Variants in ME3 observed in about 807,000 individuals in gnomAD.
ME3 encodes NADP-dependent malic enzyme, mitochondrial.
ME3 carries 48 observed loss-of-function variants against 68.9 expected under a neutral mutation model. The observed-to-expected ratio is 0.70, with a 90% CI of 0.55 to 0.89. The LOEUF is 0.89. Among genes scored for constraint, ME3 ranks in the 40% least tolerant of loss-of-function variants. The pLI is 0.00. For missense variants in ME3, 675 were observed against 797.4 expected (o/e 0.85, Z 1.85); for synonymous variants, 320 against 318.8 (o/e 1.00, Z -0.04).
At chr11:86,586,067 G>T (rs888087292) in intron 2 of ME3, among the ~76,000 whole-genome samples, 3 of 152,202 alleles carry the variant, frequency 2.0e-5, no homozygotes, top group Non-Finnish European at 4.4e-5. Context: ...GGAAAGTTGT[G>T]ACAAAATGGA....
rs11402713 is a variant in ME3 at position 86,637,349 on chromosome 11, C to CAAAAAAAAAAAAAAAAAAAAAAA, written c.183+34412_183+34413insTTTTTTTTTTTTTTTTTTTTTTT. 4.1e-5 allele frequency among the ~76,000 whole-genome samples: 5 copies of CAAAAAAAAAAAAAAAAAAAAAAA among 122,080 alleles called. 1 individual carries two copies. Among genetic ancestry groups the CAAAAAAAAAAAAAAAAAAAAAAA allele is most frequent in the Non-Finnish European group, 5.0e-5 (3 of 59,562 alleles). 80.1% of individuals were successfully genotyped at this position (122,080 alleles called of 152,430 possible). On this transcript the variant is annotated intron_variant, in intron 2 of 14. Coordinates refer to ENST00000543262, the Ensembl canonical transcript of ME3. ...TAAACAACAACAACAACAAGAAGCA[C>CAAAAAAAAAAAAAAAAAAAAAAA]AAAAAAAAAAAAAAAAGCAAAACTC... is the stretch of plus-strand genomic sequence containing the variant.
chr11:86,441,440 C>A, exon 15 of ME3: 1 of 1,578,790 alleles, frequency 6.3e-7, no homozygotes, highest in Non-Finnish European at 8.6e-7. Flanking sequence ...TAGTCGAGAA[C>A]CTAGAGAAAA....
At chr11:86,507,556 G>A (rs1447908945) in intron 5 of ME3, among the ~76,000 whole-genome samples, 3 of 152,128 alleles carry the variant, frequency 2.0e-5, no homozygotes, top group Non-Finnish European at 4.4e-5. Flanking sequence ...CACCCATTTT[G>A]TTTCCAGAAG....
chr11:86,531,398 G>A (rs1279952563), intron 4 of ME3, among the ~76,000 whole-genome samples: 7 of 152,156 alleles, frequency 4.6e-5, no homozygotes, highest in Admixed American at 4.6e-4. Context: ...TACACTGTTG[G>A]TGGGACTGTA....
At chr11:86,503,349 T>G (rs1952850076) in intron 5 of ME3, among the ~76,000 whole-genome samples, 1 of 152,192 alleles carries the variant, frequency 6.6e-6, no homozygotes. Flanking sequence ...ATCAGCCCAC[T>G]TAGGGGAATT....
chr11:86,477,854 C>A (rs1951171384), intron 7 of ME3, among the ~76,000 whole-genome samples: 1 of 152,082 alleles, frequency 6.6e-6, no homozygotes, highest in African/African-American at 2.4e-5. Flanking sequence ...AGCCTGTGAC[C>A]CAGGACAGAT....
At chr11:86,652,921 A>G (rs1945563128) in intron 2 of ME3, among the ~76,000 whole-genome samples, 1 of 152,082 alleles carries the variant, frequency 6.6e-6, no homozygotes, top group African/African-American at 2.4e-5. Context: ...AAATGGAAAA[A>G]AAAAAAAGGC....
At chr11:86,613,840 C>T (rs1472959149) in intron 2 of ME3, among the ~76,000 whole-genome samples, 3 of 152,152 alleles carry the variant, frequency 2.0e-5, no homozygotes, top group Non-Finnish European at 4.4e-5. Flanking sequence ...AATGGACAAA[C>T]GTTCCATCCT....
chr11:86,474,392 G>C (rs1053482596), intron 7 of ME3, among the ~76,000 whole-genome samples: 2 of 152,144 alleles, frequency 1.3e-5, no homozygotes, highest in African/African-American at 4.8e-5. Flanking sequence ...TCTGAGTTCC[G>C]GGGCAAGCAC....
At chr11:86,573,749 A>G (rs1272973026) in intron 2 of ME3, among the ~76,000 whole-genome samples, 1 of 152,194 alleles carries the variant, frequency 6.6e-6, no homozygotes, top group African/African-American at 2.4e-5. Flanking sequence ...CCCATTCAGT[A>G]TGATATTGGC....
intron 4 of ME3, among the ~76,000 whole-genome samples, chr11:86,517,478 G>T (rs1448231597): frequency 6.6e-6 from 1 of 152,100 alleles, no homozygotes; most frequent in African/African-American, 2.4e-5. Flanking sequence ...GAAACATTTT[G>T]TTTGTTCAAT....
intron 2 of ME3, among the ~76,000 whole-genome samples, chr11:86,581,994 G>T (rs1306800218): frequency 6.6e-6 from 1 of 152,146 alleles, no homozygotes; most frequent in Non-Finnish European, 1.5e-5. Flanking sequence ...CTACTGTTCT[G>T]CCCCTGGAAT....
intron 2 of ME3, among the ~76,000 whole-genome samples, chr11:86,603,694 C>G (rs2135138155): frequency 1.3e-5 from 2 of 151,990 alleles, no homozygotes; most frequent in Admixed American, 1.3e-4. Flanking sequence ...TGGAACCAAC[C>G]CAAATGTCCA....
chr11:86,471,141 C>CTTTTTTTTTTTTTTTT (rs1163128094), intron 7 of ME3, among the ~76,000 whole-genome samples: 1 of 75,044 alleles, frequency 1.3e-5, no homozygotes, highest in African/African-American at 6.3e-5. Flanking sequence ...AGGCCCAGAG[C>CTTTTTTTTTTTTTTTT]TTTTTTTTTT....
chr11:86,569,720 C>T (rs1405683131), intron 2 of ME3, among the ~76,000 whole-genome samples: 1 of 152,198 alleles, frequency 6.6e-6, no homozygotes, highest in Non-Finnish European at 1.5e-5. Context: ...CTCTCATTCT[C>T]TGACTCCGGC....
At chr11:86,627,489 A>G (rs1438401301) in intron 2 of ME3, among the ~76,000 whole-genome samples, 1 of 152,184 alleles carries the variant, frequency 6.6e-6, no homozygotes, top group Non-Finnish European at 1.5e-5. Context: ...TATGCATACA[A>G]ATATTAAGTG....
downstream of ME3, chr11:86,436,378 T>C (rs1424595939): frequency 6.6e-6 from 1 of 152,124 alleles, no homozygotes; most frequent in Non-Finnish European, 1.5e-5. Context: ...CTTATTAAGT[T>C]GAAGTAGTTC....
chr11:86,637,493 G>A (rs72957420), intron 2 of ME3, among the ~76,000 whole-genome samples: 11,284 of 152,226 alleles, frequency 0.074, 492 homozygotes, highest in East Asian at 0.14. Context: ...GTTAGAGCCA[G>A]CAGGGCTAAG....
At chr11:86,480,425 T>C (rs2138870034) in intron 7 of ME3, among the ~76,000 whole-genome samples, 1 of 152,308 alleles carries the variant, frequency 6.6e-6, no homozygotes, top group Admixed American at 6.5e-5. Flanking sequence ...GAAGGTGATA[T>C]GATTTTGTGT....
Sources: allele counts gnomAD v4.1 joint callset (sites outside exome capture counted in the v4.1 genomes callset), GRCh38; gene constraint gnomAD v4.1.1; transcripts MANE v1.5; gene names NCBI Gene and HGNC (gene_info 2026-07-23, HGNC 2026-07-21).